LHFPL7: variants seen among roughly 807,000 people sequenced by gnomAD.
LHFPL7 encodes the protein LHFPL tetraspan subfamily member 7.
chr22:24,940,675 C>T, the LHFPL7 span, among the ~76,000 whole-genome samples: 1,126 of 17,404 alleles, frequency 0.065, no homozygotes, highest in African/African-American at 0.071. Context: ...CCTTCCTTCC[C>T]TCCTTCCTTC....
chr22:24,943,702 A>G, the LHFPL7 span, among the ~76,000 whole-genome samples: 1,363 of 152,326 alleles, frequency 8.9e-3, 17 homozygotes, highest in South Asian at 0.016. Context: ...AGTGATATTA[A>G]GGATTTAATT....
the LHFPL7 span, among the ~76,000 whole-genome samples, chr22:24,946,083 G>C: frequency 2.0e-5 from 3 of 152,218 alleles, no homozygotes; most frequent in African/African-American, 4.8e-5. Flanking sequence ...GCCAAGGCGG[G>C]AGGATCACGT....
chr22:24,943,991 A>C, the LHFPL7 span, among the ~76,000 whole-genome samples: 1 of 152,158 alleles, frequency 6.6e-6, no homozygotes, highest in African/African-American at 2.4e-5. Flanking sequence ...GCTCAATGTG[A>C]TCTCTTAACC....
At chr22:24,937,348 T>A in the LHFPL7 span, among the ~76,000 whole-genome samples, 1 of 152,076 alleles carries the variant, frequency 6.6e-6, no homozygotes, top group South Asian at 2.1e-4. Flanking sequence ...AGCAACAGAT[T>A]GCAAATCAGA....
At chr22:24,944,213 TG>T in the LHFPL7 span, among the ~76,000 whole-genome samples, 1 of 152,118 alleles carries the variant, frequency 6.6e-6, no homozygotes, top group Non-Finnish European at 1.5e-5. Flanking sequence ...CCCCTCCTTA[TG>T]GAACTTAGAC....
the LHFPL7 span, chr22:24,939,194 G>A: frequency 1.5e-6 from 1 of 659,098 alleles, no homozygotes; most frequent in Non-Finnish European, 2.7e-6. Context: ...CAGTTCTAAG[G>A]AGAGTAATGG....
the LHFPL7 span, among the ~76,000 whole-genome samples, chr22:24,938,566 T>C: frequency 6.6e-6 from 1 of 152,318 alleles, no homozygotes; most frequent in South Asian, 2.1e-4. Flanking sequence ...TCAGAACACA[T>C]GGGTAATTAA....
chr22:24,935,445 G>T, the LHFPL7 span: 1 of 1,614,028 alleles, frequency 6.2e-7, no homozygotes, highest in Non-Finnish European at 8.5e-7. Flanking sequence ...CAGGAGGCTG[G>T]CCAGGACTGC....
At chr22:24,938,278 C>T in the LHFPL7 span, 20 of 1,613,904 alleles carry the variant, frequency 1.2e-5, no homozygotes, top group African/African-American at 2.1e-4. Context: ...AGGAGCATCA[C>T]AGCTGAGACC....
the LHFPL7 span, chr22:24,935,633 AG>A: frequency 6.3e-7 from 1 of 1,585,566 alleles, no homozygotes; most frequent in Non-Finnish European, 8.6e-7. Context: ...GTGTTGGCCA[AG>A]GGGTACCTCA....
At chr22:24,943,886 A>G in the LHFPL7 span, among the ~76,000 whole-genome samples, 1 of 152,114 alleles carries the variant, frequency 6.6e-6, no homozygotes, top group Admixed American at 6.5e-5. Context: ...GGGACTTGAT[A>G]TGTCAAGCCA....
the LHFPL7 span, among the ~76,000 whole-genome samples, chr22:24,939,000 G>GA: frequency 6.6e-6 from 1 of 152,194 alleles, no homozygotes; most frequent in Non-Finnish European, 1.5e-5. Context: ...TAATTTGCAC[G>GA]AAGGTGCTAC....
the LHFPL7 span, among the ~76,000 whole-genome samples, chr22:24,943,203 C>T: frequency 6.6e-6 from 1 of 152,090 alleles, no homozygotes; most frequent in East Asian, 1.9e-4. Flanking sequence ...GCTGAATCCA[C>T]CTAGGCCTAT....
At chr22:24,935,558 G>T in the LHFPL7 span, 1 of 1,613,370 alleles carries the variant, frequency 6.2e-7, no homozygotes, top group South Asian at 1.1e-5. Context: ...AGGCAAGGCC[G>T]ATTGGGAAAA....
the LHFPL7 span, among the ~76,000 whole-genome samples, chr22:24,945,062 C>T: frequency 6.6e-6 from 1 of 152,178 alleles, no homozygotes; most frequent in Non-Finnish European, 1.5e-5. Context: ...CCCGCCTTGG[C>T]CTCCCAAAGT....
chr22:24,941,059 T>A, the LHFPL7 span, among the ~76,000 whole-genome samples: 3 of 149,216 alleles, frequency 2.0e-5, no homozygotes, highest in Non-Finnish European at 4.4e-5. Flanking sequence ...GCAGCCACTT[T>A]GTTTTTTTTT....
At chr22:24,938,422 C>CCT in the LHFPL7 span, 3 of 1,488,004 alleles carry the variant, frequency 2.0e-6, no homozygotes, top group East Asian at 7.0e-5. Flanking sequence ...GTGGATGCTC[C>CCT]CCTGCTCATT....
chr22:24,941,528 G>A, the LHFPL7 span, among the ~76,000 whole-genome samples: 1 of 151,672 alleles, frequency 6.6e-6, no homozygotes, highest in Non-Finnish European at 1.5e-5. Flanking sequence ...TAAATTTTGG[G>A]TGGACACAAA....
the LHFPL7 span, among the ~76,000 whole-genome samples, chr22:24,940,636 C>CCCGTCCTTCCTTCCTTCCTTCCTT: frequency 2.5e-4 from 15 of 61,094 alleles, no homozygotes; most frequent in African/African-American, 7.9e-4. Flanking sequence ...CATATGCCCG[C>CCCGTCCTTCCTTCCTTCCTTCCTT]CCTTCCTTCC....
Sources: gnomAD v4.1 joint callset for allele counts (sites outside exome capture counted in the v4.1 genomes callset) on GRCh38, gnomAD v4.1.1 for gene constraint, MANE v1.5 for transcripts, NCBI Gene and HGNC (gene_info 2026-07-23, HGNC 2026-07-21) for gene names.